The following LAMA2 variants were observed in gnomAD, a reference collection of about 807,000 sequenced individuals.
The protein encoded by LAMA2 is laminin subunit alpha 2.
Under a neutral mutation model 364.8 loss-of-function variants are expected in LAMA2, and 269 were observed. The ratio of observed to expected loss-of-function variants is 0.74; its 90% confidence interval spans 0.67 to 0.82. The LOEUF (loss-of-function observed/expected upper bound fraction) is 0.82. LAMA2 is among the 40% of genes least tolerant of loss of function. LAMA2 has a pLI of 0.00. For missense variants in LAMA2, 3,807 were observed against 3,873.2 expected, an observed-to-expected ratio of 0.98 and a Z score of 0.45; for synonymous variants, 1,379 against 1,370.6, an observed-to-expected ratio of 1.01 and a Z score of -0.14.
rs1647973991 is a variant in LAMA2, at chr6:129,445,820, C to T, written c.6428C>T (p.Ser2143Phe). 1 of 1,612,056 alleles carries T rather than the reference C, an allele frequency of 6.2e-7. No individual in the cohort carries two copies. The highest frequency in any genetic ancestry group is 1.7e-5 in the Admixed American group (1 of 60,002). The part of the protein sequence containing the change: ...LINQARKQAN[S>F]IKVSVSSGGD... ...AACCAAGCTCGGAAACAAGCCAATT[C>T]TGTAAGTTCTTTTTATCGTCAGTAT... Residue 2143 changes from serine (S) to phenylalanine (F), a missense_variant and splice_region_variant, in exon 45 of 65, where the codon TCT (serine) becomes TTT (phenylalanine). Transcript: ENST00000421865.
rs760399320 is a variant in LAMA2, at chr6:129,445,873, T to G, written c.6429+52T>G. 28 of 1,511,122 alleles carry G rather than the reference T, an allele frequency of 1.9e-5. No individual in the cohort carries two copies. In the East Asian group the frequency reaches 6.1e-4, roughly 33 times the overall value. The allele number at this position is 1,511,122 out of a possible 1,614,324, so 93.6% of individuals were successfully genotyped here. A position where few individuals can be genotyped will look rare whatever the true frequency, so the allele number is the denominator to read the frequency against. On this transcript the variant is annotated intron_variant, in intron 45 of 64. Coordinates refer to ENST00000421865, the MANE Select transcript of LAMA2 (RefSeq NM_000426.4). ...GTAACTGATTGTAATTGTTGGATTA[T>G]TCATAGAGGGAATGTCTTTCCCCAG...
chr6:129,504,458 AGT>A (rs1472003411), intron 60 of LAMA2, among the ~76,000 whole-genome samples: 1 of 152,244 alleles, frequency 6.6e-6, no homozygotes, highest in African/African-American at 2.4e-5. Context: ...TGTAAAATGA[AGT>A]GTGAAATTAC....
At chr6:129,304,798 GT>G (rs1363180343) in intron 22 of LAMA2, among the ~76,000 whole-genome samples, 2 of 152,072 alleles carry the variant, frequency 1.3e-5, no homozygotes, top group Admixed American at 1.3e-4. Flanking sequence ...ACTGTTACTA[GT>G]ATCTAGTTTA....
intron 9 of LAMA2, among the ~76,000 whole-genome samples, chr6:129,170,378 GT>G (rs913595387): frequency 1.4e-5 from 2 of 146,412 alleles, no homozygotes; most frequent in African/African-American, 5.4e-5. Flanking sequence ...GTTCTCATGG[GT>G]TTCAAAGAAC....
intron 12 of LAMA2, among the ~76,000 whole-genome samples, chr6:129,225,012 C>A (rs1031938980): frequency 2.0e-5 from 3 of 152,118 alleles, no homozygotes; most frequent in Admixed American, 1.3e-4. Context: ...AATTTCAGAG[C>A]CTGTTATTGG....
chr6:129,188,001 A>C (rs1235542423), intron 10 of LAMA2, among the ~76,000 whole-genome samples: 2 of 151,896 alleles, frequency 1.3e-5, no homozygotes, highest in Non-Finnish European at 2.9e-5. Context: ...TTTTTAAACC[A>C]TGCTTCAAGG....
intron 12 of LAMA2, among the ~76,000 whole-genome samples, chr6:129,200,359 C>T (rs1052587679): frequency 7.1e-6 from 1 of 140,996 alleles, no homozygotes; most frequent in Non-Finnish European, 1.6e-5. Flanking sequence ...TACACATATA[C>T]ATATACACGT....
intron 18 of LAMA2, 88 bp from the exon 19 acceptor site, chr6:129,287,759 C>T (rs1583421248): frequency 9.1e-7 from 1 of 1,096,470 alleles, no homozygotes; most frequent in African/African-American, 1.5e-5. Flanking sequence ...AATCCATCAT[C>T]CTGGGAGAAG....
intron 4 of LAMA2, among the ~76,000 whole-genome samples, chr6:129,118,888 G>A (rs554796945): frequency 1.3e-5 from 2 of 152,340 alleles, no homozygotes; most frequent in Non-Finnish European, 2.9e-5. Context: ...ATGTGTAAGA[G>A]TGAGGAACTA....
At chr6:128,959,981 G>A (rs966308913) in intron 1 of LAMA2, among the ~76,000 whole-genome samples, 12 of 151,934 alleles carry the variant, frequency 7.9e-5, no homozygotes, top group East Asian at 3.9e-4. Flanking sequence ...AGTGCCTGGC[G>A]CATGTTAGAA....
At chr6:129,326,439 A>G (rs1185930802) in intron 28 of LAMA2, among the ~76,000 whole-genome samples, 1 of 152,116 alleles carries the variant, frequency 6.6e-6, no homozygotes, top group African/African-American at 2.4e-5. Context: ...ATTTGGACCT[A>G]CAACGCTAAA....
Position 129,408,910 on chromosome 6 carries a change from G to A in LAMA2, c.5865+4951G>A, listed in dbSNP as rs143573521. Among the ~76,000 whole-genome samples, 417 of 152,214 alleles carry A rather than the reference G, an allele frequency of 2.7e-3. 2 individuals are homozygous for A. The highest frequency in any genetic ancestry group is 8.1e-3 in the African/African-American group (337 of 41,524). ...AAATCCTCCTCAGCTGAGGTCACCC[G>A]TTGGTGAGCACTCACATAGGATACA... On this transcript the variant is annotated intron_variant, in intron 40 of 64. Transcript: ENST00000421865.
intron 16 of LAMA2, among the ~76,000 whole-genome samples, chr6:129,270,137 C>T (rs113990714): frequency 2.6e-5 from 4 of 151,988 alleles, no homozygotes; most frequent in African/African-American, 9.7e-5. Context: ...GCTAAGAGGC[C>T]ATAGCCCCGG....
At chr6:129,320,407 AAAC>A (rs1437111880) in intron 27 of LAMA2, 128 bp from the exon 28 acceptor site, 1 of 729,076 alleles carries the variant, frequency 1.4e-6, no homozygotes, top group Non-Finnish European at 2.5e-6. Flanking sequence ...TGTCAATTAA[AAAC>A]AAAAAGACAA....
At chr6:129,462,878 T>C (rs1189414089) in intron 49 of LAMA2, among the ~76,000 whole-genome samples, 1 of 151,928 alleles carries the variant, frequency 6.6e-6, no homozygotes, top group Non-Finnish European at 1.5e-5. Flanking sequence ...CTAAAAGAGG[T>C]AGACTAAGAA....
chr6:128,949,702 TA>T (rs1414466809), intron 1 of LAMA2, among the ~76,000 whole-genome samples: 7 of 152,170 alleles, frequency 4.6e-5, no homozygotes, highest in African/African-American at 1.7e-4. Flanking sequence ...TTCAGTGATT[TA>T]AAAATGGGGT....
intron 4 of LAMA2, among the ~76,000 whole-genome samples, chr6:129,128,599 T>C (rs1450052946): frequency 2.6e-5 from 4 of 152,224 alleles, no homozygotes; most frequent in South Asian, 2.1e-4. Flanking sequence ...ATGAACATTT[T>C]AACAATATTA....
chr6:129,240,022 C>T (rs936411774), intron 12 of LAMA2, among the ~76,000 whole-genome samples: 8 of 152,226 alleles, frequency 5.3e-5, no homozygotes, highest in African/African-American at 1.7e-4. Context: ...GCGGTGCAGC[C>T]TTCAGTCTGT....
At chr6:129,449,240 G>A (rs1442892320) in intron 45 of LAMA2, among the ~76,000 whole-genome samples, 1 of 152,192 alleles carries the variant, frequency 6.6e-6, no homozygotes, top group Non-Finnish European at 1.5e-5. Context: ...ATGCTGCTGT[G>A]ACAGAGTATT....
Sources: gnomAD v4.1 joint callset for allele counts (sites outside exome capture counted in the v4.1 genomes callset) on GRCh38, gnomAD v4.1.1 for gene constraint, MANE v1.5 for transcripts, NCBI Gene and HGNC (gene_info 2026-07-23, HGNC 2026-07-21) for gene names.